The following DNAI4 variants were observed in gnomAD, a reference collection of about 807,000 sequenced individuals.
DNAI4 encodes the protein dynein axonemal intermediate chain 4.
In DNAI4, 85 loss-of-function variants were observed where a neutral mutation model predicts 105.8. That is an observed-to-expected ratio of 0.80 (90% CI 0.67 to 0.96). The LOEUF (loss-of-function observed/expected upper bound fraction) is 0.96, where lower values mean the gene tolerates loss of function less well. DNAI4 is among the 40% of genes least tolerant of loss of function. The pLI is 0.00. For missense variants in DNAI4, 1,014 were observed against 1,005.6 expected (o/e 1.01, Z -0.11); for synonymous variants, 352 against 331.5 (o/e 1.06, Z -0.67).
chr1:66,889,833 T>C (rs546933379), intron 4 of DNAI4, among the ~76,000 whole-genome samples: 65 of 152,190 alleles, frequency 4.3e-4, no homozygotes, highest in Non-Finnish European at 7.5e-4. Flanking sequence ...GAGCTTCCCC[T>C]ACTTCTTCTC....
chr1:66,844,062 G>A (rs1269048078), intron 8 of DNAI4, among the ~76,000 whole-genome samples: 3 of 109,756 alleles, frequency 2.7e-5, no homozygotes, highest in South Asian at 2.9e-4. Context: ...TATTTAAAAT[G>A]GTGCTGAAAC....
intron 4 of DNAI4, among the ~76,000 whole-genome samples, chr1:66,886,871 T>C (rs1647220323): frequency 6.6e-6 from 1 of 152,192 alleles, no homozygotes; most frequent in Non-Finnish European, 1.5e-5. Context: ...TAAAGGCTGG[T>C]GCTAGAGTAG....
chr1:66,838,265 C>A (rs1024573818), intron 9 of DNAI4, among the ~76,000 whole-genome samples: 1 of 152,104 alleles, frequency 6.6e-6, no homozygotes, highest in Non-Finnish European at 1.5e-5. Context: ...TAGAAGGAAT[C>A]GCAGGTTAAA....
intron 16 of DNAI4, among the ~76,000 whole-genome samples, chr1:66,819,120 T>C (rs1645575133): frequency 6.6e-6 from 1 of 152,118 alleles, no homozygotes. Flanking sequence ...TACTGGCCCC[T>C]TTGCCACTTT....
intron 8 of DNAI4, among the ~76,000 whole-genome samples, chr1:66,844,954 G>A (rs1008183223): frequency 6.6e-6 from 1 of 152,118 alleles, no homozygotes; most frequent in Non-Finnish European, 1.5e-5. Flanking sequence ...AGCACTCTGG[G>A]AGGCTGAGGA....
intron 7 of DNAI4, among the ~76,000 whole-genome samples, chr1:66,857,882 G>A (rs1224979111): frequency 1.3e-5 from 2 of 151,492 alleles, no homozygotes; most frequent in East Asian, 2.0e-4. Context: ...CACCGCACCC[G>A]GCCTTCTGCC....
Position 66,834,143 on chromosome 1 carries a change from G to A in DNAI4, c.1739C>T (p.Ser580Leu). 1 of 1,599,822 alleles carries A rather than the reference G, an allele frequency of 6.3e-7. No individual in the cohort carries two copies. Among genetic ancestry groups the A allele is most frequent in the African/African-American group, 1.4e-5 (1 of 74,026 alleles). ...SNVPVLDSSE[S>L]PQKHLGPVWQ... ...TACAGGTCCCAAATGTTTTTGAGGT[G>A]ATTCACTAAAACAGTAAAAAAAATA... The change falls in exon 12 of 17, where the codon TCA (serine) becomes TTA (leucine). Residue 580 changes from serine to leucine, a missense_variant. Transcript: ENST00000371026.
At chr1:66,845,070 G>C (rs1009424710) in intron 8 of DNAI4, among the ~76,000 whole-genome samples, 19 of 151,296 alleles carry the variant, frequency 1.3e-4, no homozygotes, top group African/African-American at 4.6e-4. Flanking sequence ...GTGGGCGCCT[G>C]TAATCCCAGC....
intron 4 of DNAI4, among the ~76,000 whole-genome samples, chr1:66,881,732 T>C (rs2147836): frequency 0.24 from 36,234 of 152,046 alleles, 5,651 homozygotes; most frequent in African/African-American, 0.45. Context: ...TTAAGACTTG[T>C]GGGGATTGTT....
intron 2 of DNAI4, 38 bp from the exon 3 acceptor site, chr1:66,893,451 AAGAC>A: frequency 1.5e-6 from 2 of 1,371,802 alleles, no homozygotes; most frequent in Non-Finnish European, 1.9e-6. Context: ...ATAACTAAAA[AAGAC>A]AGGGCTTCTA....
intron 1 of DNAI4, among the ~76,000 whole-genome samples, chr1:66,908,634 C>G (rs754407053): frequency 2.0e-5 from 3 of 152,290 alleles, no homozygotes; most frequent in Non-Finnish European, 4.4e-5. Flanking sequence ...TAACTATACC[C>G]TAAATTTTGC....
chr1:66,860,621 C>G (rs879271280), intron 7 of DNAI4: 4 of 151,124 alleles, frequency 2.6e-5, no homozygotes, highest in Non-Finnish European at 4.4e-5. Context: ...TTTTATTGTC[C>G]CTTTTGGTTT....
At chr1:66,868,760 G>A (rs149189727) in intron 6 of DNAI4, among the ~76,000 whole-genome samples, 10 of 151,900 alleles carry the variant, frequency 6.6e-5, no homozygotes, top group Admixed American at 1.3e-4. Context: ...GTAATAAATC[G>A]CTTTATAAAT....
At chr1:66,878,471 G>A (rs1372397515) in intron 4 of DNAI4, among the ~76,000 whole-genome samples, 1 of 152,060 alleles carries the variant, frequency 6.6e-6, no homozygotes, top group Admixed American at 6.5e-5. Flanking sequence ...ATTAGAGAAT[G>A]GAATTAGAAA....
intron 4 of DNAI4, 114 bp from the exon 5 acceptor site, chr1:66,875,051 G>A (rs1646932532): frequency 2.0e-6 from 2 of 1,023,774 alleles, no homozygotes; most frequent in Admixed American, 5.7e-5. Flanking sequence ...GGTTTATATA[G>A]TCAAGGAACA....
chr1:66,878,882 T>C (rs1279453874), intron 4 of DNAI4, among the ~76,000 whole-genome samples: 1 of 152,172 alleles, frequency 6.6e-6, no homozygotes, highest in South Asian at 2.1e-4. Flanking sequence ...TTTAATCTTA[T>C]AGCCTCTACT....
At chr1:66,859,395 C>T (rs1055963840) in intron 7 of DNAI4, among the ~76,000 whole-genome samples, 1 of 152,056 alleles carries the variant, frequency 6.6e-6, no homozygotes, top group Non-Finnish European at 1.5e-5. Context: ...TTGGTAGTTT[C>T]GTAAAAGGCT....
intron 2 of DNAI4, among the ~76,000 whole-genome samples, chr1:66,902,588 A>G (rs1648916315): frequency 6.6e-6 from 1 of 152,132 alleles, no homozygotes; most frequent in Non-Finnish European, 1.5e-5. Flanking sequence ...TTTTTTCTTT[A>G]GCTGCATATG....
At chr1:66,913,749 G>A (rs1649836358) in intron 1 of DNAI4, among the ~76,000 whole-genome samples, 1 of 152,070 alleles carries the variant, frequency 6.6e-6, no homozygotes, top group South Asian at 2.1e-4. Flanking sequence ...TTGGGAGGCC[G>A]AGGCGGGCGA....
Sources: gnomAD v4.1 joint callset for allele counts (sites outside exome capture counted in the v4.1 genomes callset) on GRCh38, gnomAD v4.1.1 for gene constraint, MANE v1.5 for transcripts, NCBI Gene and HGNC (gene_info 2026-07-23, HGNC 2026-07-21) for gene names.